The following SHB variants were observed in gnomAD, a reference collection of about 807,000 sequenced individuals.
The protein encoded by SHB is SH2 domain-containing adapter protein B.
SHB carries 20 observed loss-of-function variants against 52.3 expected under a neutral mutation model. The ratio of observed to expected loss-of-function variants is 0.38; its 90% CI spans 0.27 to 0.56. SHB has a LOEUF of 0.56. SHB is among the 20% of genes least tolerant of loss of function. The pLI is 0.71. For synonymous variants in SHB, 397 were observed against 316.5 expected, an observed-to-expected ratio of 1.25 and a Z score of -2.70; for missense variants, 825 against 723.3, an observed-to-expected ratio of 1.14 and a Z score of -1.61.
intron 5 of SHB, among the ~76,000 whole-genome samples, chr9:37,939,343 C>G (rs150785326): frequency 2.0e-5 from 3 of 152,344 alleles, no homozygotes; most frequent in African/African-American, 7.2e-5. Flanking sequence ...GCCTCTGCCC[C>G]TCCCTGACAA....
At chr9:37,923,459 T>C (rs1333542720) in intron 5 of SHB, among the ~76,000 whole-genome samples, 2 of 151,984 alleles carry the variant, frequency 1.3e-5, no homozygotes, top group East Asian at 3.9e-4. Context: ...CCCCCAGGGG[T>C]CCGAGGTCCC....
chr9:37,992,462 T>TA (rs1441585160), intron 2 of SHB, among the ~76,000 whole-genome samples: 2 of 152,146 alleles, frequency 1.3e-5, no homozygotes, highest in East Asian at 3.8e-4. Flanking sequence ...GCTCATGGCC[T>TA]AAAAACGTGG....
intron 5 of SHB, among the ~76,000 whole-genome samples, chr9:37,923,992 G>A (rs1231663365): frequency 1.3e-5 from 2 of 152,214 alleles, no homozygotes; most frequent in South Asian, 2.1e-4. Context: ...CAGCACCATC[G>A]TCGTTCAGGG....
intron 2 of SHB, among the ~76,000 whole-genome samples, chr9:37,993,392 A>C (rs1397950913): frequency 6.6e-6 from 1 of 152,238 alleles, no homozygotes; most frequent in Non-Finnish European, 1.5e-5. Flanking sequence ...AGGGAAGCCA[A>C]TGTGATATGA....
At chr9:37,964,273 C>T (rs559052600) in intron 3 of SHB, among the ~76,000 whole-genome samples, 114 of 152,320 alleles carry the variant, frequency 7.5e-4, no homozygotes, top group African/African-American at 2.4e-3. Context: ...AGCAGGCAAG[C>T]GGGAAGGCTG....
intron 2 of SHB, among the ~76,000 whole-genome samples, chr9:38,008,249 G>A (rs117513966): frequency 0.012 from 1,848 of 152,304 alleles, 18 homozygotes; most frequent in Middle Eastern, 0.034. Flanking sequence ...GCCGGGGTGA[G>A]AGAATAGGAA....
chr9:37,927,574 G>T (rs1041179554), intron 5 of SHB, among the ~76,000 whole-genome samples: 2 of 152,176 alleles, frequency 1.3e-5, no homozygotes, highest in Non-Finnish European at 2.9e-5. Context: ...ACATGTAGAG[G>T]CATAAGGCTC....
At chr9:37,942,887 G>C (rs900065977) in intron 5 of SHB, among the ~76,000 whole-genome samples, 2 of 152,092 alleles carry the variant, frequency 1.3e-5, no homozygotes, top group Non-Finnish European at 2.9e-5. Context: ...GCATGTGTAG[G>C]GACATGGAGG....
chr9:37,944,291 C>T (rs1832468108), intron 5 of SHB, among the ~76,000 whole-genome samples: 1 of 152,126 alleles, frequency 6.6e-6, no homozygotes, highest in African/African-American at 2.4e-5. Context: ...CAGGTGGCAG[C>T]TTGGGCTGAT....
chr9:38,027,764 G>A (rs886678263), intron 1 of SHB, among the ~76,000 whole-genome samples: 3 of 151,930 alleles, frequency 2.0e-5, no homozygotes, highest in Non-Finnish European at 2.9e-5. Context: ...CAGAGCGGCT[G>A]TTCCCATTCC....
chr9:38,045,339 G>C (rs544449298), intron 1 of SHB, among the ~76,000 whole-genome samples: 1 of 152,120 alleles, frequency 6.6e-6, no homozygotes, highest in Non-Finnish European at 1.5e-5. Flanking sequence ...GGTGGCTCAC[G>C]CCTGTAATCC....
intron 5 of SHB, among the ~76,000 whole-genome samples, chr9:37,920,882 T>C (rs1228596341): frequency 6.6e-6 from 1 of 152,160 alleles, no homozygotes; most frequent in Admixed American, 6.5e-5. Flanking sequence ...CCACCTGAAG[T>C]CTGCTCAAGG....
At chr9:38,034,053 C>T (rs1489412289) in intron 1 of SHB, among the ~76,000 whole-genome samples, 1 of 152,134 alleles carries the variant, frequency 6.6e-6, no homozygotes, top group African/African-American at 2.4e-5. Flanking sequence ...CATTCCTGGC[C>T]CAGCGATGTC....
At chr9:37,933,794 G>T (rs1373059702) in intron 5 of SHB, among the ~76,000 whole-genome samples, 2 of 152,126 alleles carry the variant, frequency 1.3e-5, no homozygotes, top group African/African-American at 4.8e-5. Flanking sequence ...TTTGCCTGTG[G>T]TTAAGTTCTT....
rs1416910642 is a variant in SHB, at chr9:37,919,798, A to G, written c.*23T>C. 1 of 1,602,682 alleles carries G rather than the reference A, an allele frequency of 6.2e-7. No individual in the cohort carries two copies. On this transcript the variant is annotated 3_prime_UTR_variant, in exon 6 of 6. Transcript: ENST00000377707. ...ACCTCCAAGTCTCAGGCTCTGTCAC[A>G]GAGCAGGGCAGGTCTGGTCCGCTCA...
intron 2 of SHB, among the ~76,000 whole-genome samples, chr9:37,984,712 G>A (rs567395686): frequency 1.4e-4 from 21 of 152,296 alleles, no homozygotes; most frequent in African/African-American, 4.6e-4. Context: ...AGTGCCAGGC[G>A]GTTCTTCCTA....
At chr9:38,039,481 A>G (rs545209125) in intron 1 of SHB, among the ~76,000 whole-genome samples, 1 of 152,394 alleles carries the variant, frequency 6.6e-6, no homozygotes, top group Admixed American at 6.5e-5. Context: ...AAGCACACCC[A>G]TCCCACTTTG....
chr9:37,967,077 G>C (rs888916631), intron 3 of SHB, among the ~76,000 whole-genome samples: 1 of 152,210 alleles, frequency 6.6e-6, no homozygotes, highest in Non-Finnish European at 1.5e-5. Context: ...GTTCACAGCT[G>C]TGTGACTGTG....
chr9:37,969,976 T>C (rs958990779), intron 3 of SHB, among the ~76,000 whole-genome samples: 5 of 152,140 alleles, frequency 3.3e-5, no homozygotes, highest in African/African-American at 1.2e-4. Flanking sequence ...CCTGGGGTGA[T>C]TCAAAGTGGG....
Sources: gnomAD v4.1 joint callset for allele counts (sites outside exome capture counted in the v4.1 genomes callset) on GRCh38, gnomAD v4.1.1 for gene constraint, MANE v1.5 for transcripts, NCBI Gene and HGNC (gene_info 2026-07-23, HGNC 2026-07-21) for gene names.